EXOC6: variants seen among roughly 807,000 people sequenced by gnomAD.
EXOC6 encodes the protein SEC15-like 1.
In EXOC6, 60 loss-of-function variants were observed where a neutral mutation model predicts 112.5. The observed-to-expected ratio is 0.53, with a 90% CI of 0.43 to 0.66. EXOC6 has a LOEUF of 0.66. Ranked by LOEUF, EXOC6 falls within the 30% of genes least tolerant of loss-of-function variation. The pLI is 0.00. For synonymous variants in EXOC6, 295 were observed against 308.0 expected (o/e 0.96, Z 0.44); for missense variants, 855 against 957.1 (o/e 0.89, Z 1.41).
chr10:93,009,815 C>G (rs535328498), intron 19 of EXOC6, among the ~76,000 whole-genome samples: 1 of 152,184 alleles, frequency 6.6e-6, no homozygotes, highest in South Asian at 2.1e-4. Flanking sequence ...ATGAGGCTGG[C>G]AGATAGACAA....
intron 20 of EXOC6, among the ~76,000 whole-genome samples, chr10:93,043,195 A>G (rs12358168): frequency 0.13 from 19,681 of 152,038 alleles, 1,420 homozygotes; most frequent in African/African-American, 0.18. Flanking sequence ...TCGGCCTCCC[A>G]AAGTGCTGGG....
rs1851336618 is a variant in EXOC6, at chr10:92,919,966, A to G, written c.820-16A>G. On this transcript the variant is annotated splice_polypyrimidine_tract_variant and intron_variant, in intron 7 of 21. Transcript: ENST00000260762. ...AGTTTGACCTATAATTTTTTTAAAA[A>G]TGGTTTAATTTTCAGATCTTAACTG... is the stretch of plus-strand genomic sequence containing the variant. The G allele has an allele frequency of 6.4e-7, 1 of 1,557,742 alleles. No homozygotes were observed. The highest frequency in any genetic ancestry group is 8.7e-7 in the Non-Finnish European group (1 of 1,146,488).
At chr10:92,899,557 CT>C in intron 4 of EXOC6, 41 bp from the exon 5 acceptor site, 1 of 1,351,604 alleles carries the variant, frequency 7.4e-7, no homozygotes, top group Non-Finnish European at 1.0e-6. Flanking sequence ...AAAATATTTT[CT>C]TTTCATTTTG....
chr10:93,006,846 AATT>A (rs1844008126), intron 19 of EXOC6, among the ~76,000 whole-genome samples: 1 of 152,196 alleles, frequency 6.6e-6, no homozygotes, highest in South Asian at 2.1e-4. Flanking sequence ...TTAGTTACAG[AATT>A]ATTCCATTTT....
chr10:92,865,389 A>G (rs2133698051), intron 1 of EXOC6, among the ~76,000 whole-genome samples: 1 of 152,172 alleles, frequency 6.6e-6, no homozygotes, highest in Middle Eastern at 3.4e-3. Flanking sequence ...TACAAAAATT[A>G]GCCAGGCGTG....
intron 20 of EXOC6, among the ~76,000 whole-genome samples, chr10:93,040,539 G>T (rs756720012): frequency 6.6e-5 from 10 of 152,166 alleles, no homozygotes; most frequent in Non-Finnish European, 1.3e-4. Flanking sequence ...GAGCCACTGC[G>T]CCCGGCCTGC....
chr10:92,952,323 C>T lies in EXOC6; in HGVS notation c.1467C>T (p.Tyr489=), dbSNP rs934868682. The T allele has an allele frequency of 1.2e-6, 2 of 1,612,934 alleles. No individual in the cohort carries two copies. Among genetic ancestry groups the T allele is most frequent in the Non-Finnish European group, 1.7e-6 (2 of 1,179,246 alleles). Residue 489 remains tyrosine (Y), a synonymous_variant, in exon 15 of 22, where the codon TAC becomes TAT. Coordinates refer to ENST00000260762, the MANE Select transcript of EXOC6 (RefSeq NM_019053.6). ...FPMSQSVPHI[Y]IQVKEFIYAS... ...TGTCTCAGTCAGTGCCTCATATTTA[C>T]ATTCAAGTTAAAGAATTTATTTATG...
At chr10:92,997,393 G>T (rs979080943) in intron 18 of EXOC6, 81 bp from the exon 19 acceptor site, 2 of 1,312,422 alleles carry the variant, frequency 1.5e-6, no homozygotes, top group Non-Finnish European at 2.1e-6. Context: ...AGAATGCCAG[G>T]TGTATGATTT....
At chr10:92,939,137 A>G (rs1852518418) in intron 12 of EXOC6, among the ~76,000 whole-genome samples, 3 of 152,064 alleles carry the variant, frequency 2.0e-5, no homozygotes. Context: ...ATCTTGTGGG[A>G]CTTCAGTAAG....
chr10:93,057,958 T>A (rs570103309), intron 21 of EXOC6, among the ~76,000 whole-genome samples: 1 of 152,290 alleles, frequency 6.6e-6, no homozygotes, highest in Admixed American at 6.5e-5. Context: ...TATTAGAAAA[T>A]AGTATGATAG....
At chr10:92,859,105 T>C (rs142370260) in intron 1 of EXOC6, among the ~76,000 whole-genome samples, 421 of 152,232 alleles carry the variant, frequency 2.8e-3, no homozygotes, top group African/African-American at 9.4e-3. Flanking sequence ...CAGTCTTCTG[T>C]TTCCTTATAT....
intron 1 of EXOC6, among the ~76,000 whole-genome samples, chr10:92,891,572 C>T (rs1055037449): frequency 1.3e-5 from 2 of 152,152 alleles, no homozygotes; most frequent in Non-Finnish European, 2.9e-5. Flanking sequence ...ACCTCTGCCT[C>T]CCGGGTTCAA....
At chr10:92,966,412 T>C (rs1201307364) in intron 17 of EXOC6, among the ~76,000 whole-genome samples, 2 of 145,584 alleles carry the variant, frequency 1.4e-5, no homozygotes, top group East Asian at 2.1e-4. Flanking sequence ...GCATTAGGTA[T>C]ATCTCCTAAT....
chr10:92,906,317 CTTGTAAATTTTT>C (rs1231707105), intron 5 of EXOC6, among the ~76,000 whole-genome samples: 4 of 151,882 alleles, frequency 2.6e-5, no homozygotes, highest in African/African-American at 9.7e-5. Flanking sequence ...TTTCATGTAT[CTTGTAAATTTTT>C]TTGTATGCAG....
chr10:92,869,764 A>G (rs1048300345), intron 1 of EXOC6, among the ~76,000 whole-genome samples: 1 of 152,106 alleles, frequency 6.6e-6, no homozygotes, highest in Non-Finnish European at 1.5e-5. Flanking sequence ...ACGTAATCAT[A>G]TAGTCTGTAT....
At chr10:93,028,378 C>T (rs767627995) in intron 20 of EXOC6, among the ~76,000 whole-genome samples, 2 of 151,996 alleles carry the variant, frequency 1.3e-5, no homozygotes, top group Non-Finnish European at 2.9e-5. Context: ...CTGCAGAAGC[C>T]GTGGAAATAG....
At chr10:92,851,825 C>A (rs560378540) in intron 1 of EXOC6, among the ~76,000 whole-genome samples, 4 of 152,004 alleles carry the variant, frequency 2.6e-5, no homozygotes, top group Non-Finnish European at 5.9e-5. Context: ...AATCCCAGCA[C>A]TTTGGGAGGC....
intron 17 of EXOC6, among the ~76,000 whole-genome samples, chr10:92,965,344 A>G (rs547107607): frequency 6.6e-6 from 1 of 152,312 alleles, no homozygotes; most frequent in South Asian, 2.1e-4. Flanking sequence ...AGTATATTTA[A>G]TTCTTACACA....
intron 5 of EXOC6, among the ~76,000 whole-genome samples, chr10:92,902,459 G>T (rs1251243561): frequency 6.6e-6 from 1 of 151,700 alleles, no homozygotes; most frequent in African/African-American, 2.4e-5. Context: ...CCTTCCAAAG[G>T]TGGTGCTGAT....
Sources: allele counts gnomAD v4.1 joint callset (sites outside exome capture counted in the v4.1 genomes callset), GRCh38; gene constraint gnomAD v4.1.1; transcripts MANE v1.5; gene names NCBI Gene and HGNC (gene_info 2026-07-23, HGNC 2026-07-21).